Variants in SUMF1 observed in about 807,000 individuals in gnomAD.
SUMF1 encodes the protein sulfatase modifying factor 1.
A neutral mutation model predicts 47.6 loss-of-function variants in SUMF1; 48 were observed. That is an observed-to-expected ratio of 1.01 (90% CI 0.80 to 1.28). SUMF1 has a LOEUF of 1.28. Ranked by LOEUF, SUMF1 falls within the 50% of genes most tolerant of loss-of-function variation. The pLI is 0.00. For synonymous variants in SUMF1, 230 were observed against 192.1 expected, an observed-to-expected ratio of 1.20 and a Z score of -1.63; for missense variants, 571 against 485.4, an observed-to-expected ratio of 1.18 and a Z score of -1.66.
chr3:4,283,837 C>A (rs1418056067), intron 8 of SUMF1, among the ~76,000 whole-genome samples: 2 of 152,112 alleles, frequency 1.3e-5, no homozygotes, highest in Admixed American at 1.3e-4. Context: ...TATTTGGCGT[C>A]TGGTAAGGGA....
At chr3:4,104,727 G>C (rs191453844) in intron 8 of SUMF1, among the ~76,000 whole-genome samples, 1 of 151,192 alleles carries the variant, frequency 6.6e-6, no homozygotes, top group African/African-American at 2.4e-5. Context: ...CAATTCCCCT[G>C]TTCTCCAATG....
At position 4,467,225 on chromosome 3, in the gene SUMF1, C is replaced by A. The variant is rs563293092; in HGVS notation, c.21G>T (p.Gly7=). The change falls in exon 1 of 9, where the codon GGG becomes GGT. Residue 7 remains glycine, a synonymous_variant. Coordinates refer to ENST00000272902, the MANE Select transcript of SUMF1 (RefSeq NM_182760.4). ...GCTCAGGGCAACGTCCACACACCAG[C>A]CCTAGTGCGGGCGCAGCCATGTTGT... MAAPAL[G]LVCGRCPELG... 14 of 1,611,014 alleles carry A rather than the reference C, an allele frequency of 8.7e-6. No individual in the cohort carries two copies. Among genetic ancestry groups the A allele is most frequent in the Middle Eastern group, 1.7e-4 (1 of 5,780 alleles).
chr3:4,434,436 C>T (rs1250897136), intron 3 of SUMF1, among the ~76,000 whole-genome samples: 1 of 152,132 alleles, frequency 6.6e-6, no homozygotes, highest in African/African-American at 2.4e-5. Flanking sequence ...TGTAGCTTGG[C>T]AGAATGCTAT....
At chr3:4,175,241 C>G (rs1266566851) in intron 8 of SUMF1, among the ~76,000 whole-genome samples, 1 of 152,188 alleles carries the variant, frequency 6.6e-6, no homozygotes, top group Non-Finnish European at 1.5e-5. Flanking sequence ...AAGTGGGCCC[C>G]TGACCCCCGT....
chr3:4,325,804 C>T (rs1310628824), intron 8 of SUMF1, among the ~76,000 whole-genome samples: 3 of 152,004 alleles, frequency 2.0e-5, no homozygotes, highest in Non-Finnish European at 4.4e-5. Context: ...AATTCAGAAT[C>T]CAGTCCAAAT....
At chr3:4,421,860 T>C (rs1420309289) in intron 3 of SUMF1, among the ~76,000 whole-genome samples, 4 of 152,230 alleles carry the variant, frequency 2.6e-5, no homozygotes, top group Non-Finnish European at 5.9e-5. Flanking sequence ...AATGTTACTC[T>C]TTGATTGTTT....
intron 8 of SUMF1, among the ~76,000 whole-genome samples, chr3:4,131,676 G>C (rs561701152): frequency 6.6e-6 from 1 of 152,302 alleles, no homozygotes; most frequent in East Asian, 1.9e-4. Flanking sequence ...TGGAAAATTG[G>C]TGACAAAGAA....
At chr3:4,206,119 T>C (rs1228805176) in intron 8 of SUMF1, among the ~76,000 whole-genome samples, 1 of 151,708 alleles carries the variant, frequency 6.6e-6, no homozygotes, top group African/African-American at 2.4e-5. Context: ...TTAATATGGC[T>C]AAGCCAGTAT....
At chr3:4,185,587 C>T (rs980424124) in intron 8 of SUMF1, among the ~76,000 whole-genome samples, 1 of 152,132 alleles carries the variant, frequency 6.6e-6, no homozygotes, top group Non-Finnish European at 1.5e-5. Flanking sequence ...AAAGTTAATA[C>T]TAATGCGAAC....
At chr3:4,396,906 A>T (rs1406881864) in intron 7 of SUMF1, among the ~76,000 whole-genome samples, 1 of 152,252 alleles carries the variant, frequency 6.6e-6, no homozygotes, top group Non-Finnish European at 1.5e-5. Context: ...ACACAAGGCT[A>T]TAAAGCATCT....
Position 4,249,229 on chromosome 3 carries a change from G to T in SUMF1, c.1014+127101C>A, listed in dbSNP as rs184933032. The stretch of plus-strand genomic sequence containing the variant: ...GGAATTTTAGTCTGCTATGAACTAT[G>T]CATTCTACTGAGTGCCAAAACCAAA... On this transcript the variant is annotated intron_variant and NMD_transcript_variant, in intron 8 of 12. Coordinates refer to the SUMF1 transcript ENST00000448413. 1.4e-3 allele frequency among the ~76,000 whole-genome samples: 217 copies of T among 152,320 alleles called. 2 individuals are homozygous for T. Among genetic ancestry groups the T allele is most frequent in the African/African-American group, 4.6e-3 (191 of 41,580 alleles).
At chr3:4,298,028 T>C (rs1036894319) in intron 8 of SUMF1, among the ~76,000 whole-genome samples, 1 of 152,132 alleles carries the variant, frequency 6.6e-6, no homozygotes. Flanking sequence ...TTTTATTATA[T>C]TGTATTGTTT....
At chr3:4,167,055 G>T (rs776371215) in intron 8 of SUMF1, among the ~76,000 whole-genome samples, 9 of 152,068 alleles carry the variant, frequency 5.9e-5, no homozygotes, top group African/African-American at 2.2e-4. Flanking sequence ...ACCACGTGGC[G>T]ATACCCCGGA....
chr3:4,045,090 C>G (rs549625010), intron 9 of SUMF1, among the ~76,000 whole-genome samples: 1 of 152,252 alleles, frequency 6.6e-6, no homozygotes, highest in East Asian at 1.9e-4. Context: ...AAACACTAAT[C>G]TAGGTGTTTC....
rs762789203 is a variant in SUMF1, at chr3:4,417,214, G to A, written c.754C>T (p.Pro252Ser). ...RLFPWGNKLQ[P>S]KGQHYANIWQ... ...ATGTTGGCATAATGCTGGCCTTTGG[G>A]CTGCAGTTTGTTGCCCCAGGGGAAA... Residue 252 changes from proline (P) to serine (S), a missense_variant, in exon 6 of 9, where the codon CCC (proline) becomes TCC (serine). Pro to Ser is a moderately conservative substitution (Grantham distance 74). Coordinates refer to ENST00000272902, the MANE Select transcript of SUMF1 (RefSeq NM_182760.4). The A allele has an allele frequency of 2.5e-6, 4 of 1,613,898 alleles. No homozygotes were observed. The highest frequency in any genetic ancestry group is 3.4e-6 in the Non-Finnish European group (4 of 1,179,930).
At chr3:4,035,196 A>T (rs912396523) in intron 9 of SUMF1, among the ~76,000 whole-genome samples, 34 of 152,166 alleles carry the variant, frequency 2.2e-4, no homozygotes, top group African/African-American at 8.2e-4. Context: ...TCACTCCCAT[A>T]AGAAATTATC....
At chr3:4,312,375 A>G (rs1222614445) in intron 8 of SUMF1, among the ~76,000 whole-genome samples, 5 of 152,156 alleles carry the variant, frequency 3.3e-5, no homozygotes, top group Non-Finnish European at 4.4e-5. Context: ...GAAGTTACAA[A>G]GCTTTCTATT....
rs35849841 is a variant in SUMF1 at position 4,420,397 on chromosome 3, AT to A, written c.520-252del. 0.016 allele frequency among the ~76,000 whole-genome samples: 2,192 copies of A among 140,790 alleles called. 54 individuals are homozygous for A. The highest frequency in any genetic ancestry group is 0.054 in the African/African-American group (2,052 of 38,088). The allele number at this position is 140,790 out of a possible 152,430, so 92.4% of individuals were successfully genotyped here. A position where few individuals can be genotyped will look rare whatever the true frequency, so the allele number is the denominator to read the frequency against. On this transcript the variant is annotated intron_variant, in intron 3 of 8. Coordinates refer to ENST00000272902, the MANE Select transcript of SUMF1 (RefSeq NM_182760.4). ...ATTTAAATGGTGTATATCTATAAGA[AT>A]TTTTTTTTTTTTTTTGAGATGGAGT... is the stretch of plus-strand genomic sequence containing the variant.
At chr3:4,149,261 G>T (rs968876461) in intron 8 of SUMF1, among the ~76,000 whole-genome samples, 4 of 152,142 alleles carry the variant, frequency 2.6e-5, no homozygotes, top group African/African-American at 9.7e-5. Context: ...GTCCAGCCCT[G>T]GAGGGGAAAG....
Sources: gnomAD v4.1 joint callset for allele counts (sites outside exome capture counted in the v4.1 genomes callset) on GRCh38, gnomAD v4.1.1 for gene constraint, MANE v1.5 for transcripts, NCBI Gene and HGNC (gene_info 2026-07-23, HGNC 2026-07-21) for gene names.